ATP5PB: variants seen among roughly 807,000 people sequenced by gnomAD.
The protein encoded by ATP5PB is ATP synthase peripheral stalk subunit b, mitochondrial.
ATP5PB carries 21 observed loss-of-function variants against 34.5 expected under a neutral mutation model. That is an observed-to-expected ratio of 0.61 (90% CI 0.43 to 0.88). The LOEUF (loss-of-function observed/expected upper bound fraction) is 0.88. ATP5PB is among the 40% of genes least tolerant of loss of function. ATP5PB has a pLI of 0.00. For synonymous variants in ATP5PB, 108 were observed against 114.1 expected (o/e 0.95, Z 0.34); for missense variants, 293 against 317.4 (o/e 0.92, Z 0.58).
intron 2 of ATP5PB, among the ~76,000 whole-genome samples, chr1:111,452,486 A>T (rs978312312): frequency 2.6e-5 from 4 of 152,034 alleles, no homozygotes; most frequent in Non-Finnish European, 4.4e-5. Context: ...CACAAGAATC[A>T]CTTGAGCCTG....
Position 111,456,094 on chromosome 1 carries a change from G to A in ATP5PB, c.232G>A (p.Val78Ile), listed in dbSNP as rs61752545. 1.6e-5 allele frequency: 25 copies of A among 1,583,072 alleles called. No individual in the cohort carries two copies. The African/African-American group carries it at 3.1e-4, about 20-fold the overall frequency. Residue 78 changes from valine to isoleucine, a missense_variant, in exon 4 of 7, where the codon GTA becomes ATA. By Grantham distance (29) the Val-to-Ile change is conservative. Transcript: ENST00000369722. ...ACTCTTTCTTCTTTTAGGACCCTAT[G>A]TACTCGGAACTGGGCTTATCTTGTA... ...YPKTGVTGPY[V>I]LGTGLILYAL...
At chr1:111,452,984 G>A (rs1486173433) in intron 2 of ATP5PB, among the ~76,000 whole-genome samples, 6 of 152,112 alleles carry the variant, frequency 3.9e-5, no homozygotes. Context: ...AAACCTGGTG[G>A]GGTAGCTAAT....
intron 5 of ATP5PB, among the ~76,000 whole-genome samples, chr1:111,458,205 T>A (rs946830824): frequency 3.9e-5 from 6 of 152,118 alleles, no homozygotes; most frequent in African/African-American, 1.4e-4. Flanking sequence ...AAAAATAAAC[T>A]AGTATTAAAA....
intron 2 of ATP5PB, among the ~76,000 whole-genome samples, chr1:111,451,339 A>T (rs1288344084): frequency 6.6e-6 from 1 of 152,000 alleles, no homozygotes; most frequent in Non-Finnish European, 1.5e-5. Context: ...TTTTCCCCAG[A>T]TGATTGGGTC....
In ATP5PB at chr1:111,462,480, A is replaced by G. The variant is rs906060458; in HGVS notation, c.*1486A>G. On this transcript the variant is annotated 3_prime_UTR_variant, in exon 7 of 7. Coordinates refer to ENST00000369722, the MANE Select transcript of ATP5PB (RefSeq NM_001688.5). ...TGAAGAAAAATCCTGTAGATAAATT[A>G]GAAAATTCTTCCCTTCATAGGTTTA... is the stretch of plus-strand genomic sequence containing the variant. The G allele has an allele frequency of 2.0e-5, 3 of 152,266 alleles. No homozygotes were observed. Among genetic ancestry groups the G allele is most frequent in the African/African-American group, 7.2e-5 (3 of 41,476 alleles). 9.4% of individuals were successfully genotyped at this position (152,266 alleles called of 1,614,324 possible). A position where few individuals can be genotyped will look rare whatever the true frequency, so the allele number is the denominator to read the frequency against.
chr1:111,455,675 G>A (rs1459281134), intron 3 of ATP5PB, among the ~76,000 whole-genome samples: 1 of 152,146 alleles, frequency 6.6e-6, no homozygotes, highest in Non-Finnish European at 1.5e-5. Context: ...ATCCGGTCTA[G>A]TGTCCCATTC....
At chr1:111,460,060 A>T (rs935448693) in intron 6 of ATP5PB, among the ~76,000 whole-genome samples, 3 of 152,142 alleles carry the variant, frequency 2.0e-5, no homozygotes, top group Admixed American at 2.0e-4. Context: ...GCTACTCAGG[A>T]GGCTGAGGTG....
chr1:111,454,434 G>GT, intron 3 of ATP5PB, 78 bp downstream of exon 3: 3 of 1,488,916 alleles, frequency 2.0e-6, no homozygotes, highest in Non-Finnish European at 2.7e-6. Context: ...TTTCTTCTTT[G>GT]GTTTTTGTTG....
intron 2 of ATP5PB, among the ~76,000 whole-genome samples, chr1:111,451,339 A>G (rs1288344084): frequency 6.6e-6 from 1 of 152,000 alleles, no homozygotes; most frequent in East Asian, 1.9e-4. Flanking sequence ...TTTTCCCCAG[A>G]TGATTGGGTC....
At chr1:111,459,135 A>G (rs528632212) in intron 5 of ATP5PB, among the ~76,000 whole-genome samples, 3 of 152,356 alleles carry the variant, frequency 2.0e-5, no homozygotes, top group Admixed American at 2.0e-4. Context: ...GTGTGTCATA[A>G]TTAATAAAAG....
intron 6 of ATP5PB, among the ~76,000 whole-genome samples, chr1:111,460,324 T>G (rs1264144629): frequency 6.6e-6 from 1 of 152,206 alleles, no homozygotes; most frequent in Non-Finnish European, 1.5e-5. Flanking sequence ...ATTTATATTT[T>G]TGCTTTAATA....
rs1268383374 is a variant in ATP5PB at position 111,461,589 on chromosome 1, T to TA, written c.*599dup. ...AAAATATTATGGACTCAGAGTGTCA[T>TA]AAAATCACTCTTAAGAATCCATGCA... On this transcript the variant is annotated 3_prime_UTR_variant, in exon 7 of 7. Coordinates refer to ENST00000369722, the MANE Select transcript of ATP5PB (RefSeq NM_001688.5). The TA allele has an allele frequency of 6.6e-6, 1 of 152,248 alleles. No homozygotes were observed. The highest frequency in any genetic ancestry group is 1.9e-4 in the East Asian group (1 of 5,202). The allele number at this position is 152,248 out of a possible 1,614,324, so 9.4% of individuals were successfully genotyped here.
chr1:111,456,264 C>G lies in ATP5PB; in HGVS notation c.387+15C>G, dbSNP rs946210849. 1 of 1,557,348 alleles carries G rather than the reference C, an allele frequency of 6.4e-7. No individual in the cohort carries two copies. Among genetic ancestry groups the G allele is most frequent in the East Asian group, 2.3e-5 (1 of 43,480 alleles). On this transcript the variant is annotated intron_variant, in intron 4 of 6. Coordinates refer to ENST00000369722, the MANE Select transcript of ATP5PB (RefSeq NM_001688.5). ...AACTCAATGAGGTAAGAACCATAAACTTTATTTCCTATTTTAGACTAGCAG... is the reference window on the plus strand; with the variant it reads ...AACTCAATGAGGTAAGAACCATAAAGTTTATTTCCTATTTTAGACTAGCAG...
chr1:111,456,515 T>G (rs1243815639), intron 4 of ATP5PB, 115 bp from the exon 5 acceptor site: 1 of 1,363,394 alleles, frequency 7.3e-7, no homozygotes, highest in African/African-American at 1.5e-5. Flanking sequence ...TTTCTATGTT[T>G]CTTTGTGGGT....
chr1:111,456,399 TA>T (rs1312888127), intron 4 of ATP5PB, 150 bp downstream of exon 4: 121 of 1,101,924 alleles, frequency 1.1e-4, no homozygotes, highest in Admixed American at 3.1e-4. Context: ...TAATTTGAGA[TA>T]ATTTTTTTAT....
At chr1:111,457,337 A>G (rs1442553123) in intron 5 of ATP5PB, among the ~76,000 whole-genome samples, 1 of 152,052 alleles carries the variant, frequency 6.6e-6, no homozygotes, top group Non-Finnish European at 1.5e-5. Context: ...ACACACACAC[A>G]CACAAACAAC....
In ATP5PB at chr1:111,459,503, A is replaced by T. The variant is rs1447057081; in HGVS notation, c.560A>T (p.Tyr187Phe). Reference sequence around the variant, plus strand: ...GAAGTTACTTACCGGGAACGACTGTATAGAGTATATAAGGAAGTAAAGAAT... The same window carrying T: ...GAAGTTACTTACCGGGAACGACTGTTTAGAGTATATAAGGAAGTAAAGAAT... ...ALEVTYRERLYRVYKEVKNRL... is the reference protein window; with the variant it reads ...ALEVTYRERLFRVYKEVKNRL... Residue 187 changes from tyrosine to phenylalanine, a missense_variant, in exon 6 of 7, where the codon TAT becomes TTT. Transcript: ENST00000369722. 1.2e-6 allele frequency: 2 copies of T among 1,613,742 alleles called. No individual in the cohort carries two copies. Among genetic ancestry groups the T allele is most frequent in the African/African-American group, 2.7e-5 (2 of 74,920 alleles).
intron 3 of ATP5PB, 79 bp from the exon 4 acceptor site, chr1:111,456,007 C>G (rs891400743): frequency 2.0e-5 from 25 of 1,255,102 alleles, no homozygotes; most frequent in Non-Finnish European, 2.6e-5. Flanking sequence ...TTCAGCTAAT[C>G]AAATATAGAA....
Position 111,459,491 on chromosome 1 carries a change from G to A in ATP5PB, c.548G>A (p.Arg183Gln), listed in dbSNP as rs201778705. The A allele has an allele frequency of 3.9e-5, 63 of 1,611,018 alleles. No homozygotes were observed. Among genetic ancestry groups the A allele is most frequent in the South Asian group, 2.1e-4 (19 of 90,540 alleles). Residue 183 changes from arginine (R) to glutamine (Q), a missense_variant, in exon 6 of 7, where the codon CGG (arginine) becomes CAG (glutamine). Transcript: ENST00000369722. ...GCTATGGCTTTGGAAGTTACTTACC[G>A]GGAACGACTGTATAGAGTATATAAG... ...NIAMALEVTY[R>Q]ERLYRVYKEV...
Sources: gnomAD v4.1 joint callset for allele counts (sites outside exome capture counted in the v4.1 genomes callset) on GRCh38, gnomAD v4.1.1 for gene constraint, MANE v1.5 for transcripts, NCBI Gene and HGNC (gene_info 2026-07-23, HGNC 2026-07-21) for gene names.